Variants in BICRAL observed in about 807,000 individuals in gnomAD.
BICRAL encodes BICRA like chromatin remodeling complex associated protein, also known as BRD4-interacting chromatin-remodeling complex-associated protein-like.
Under a neutral mutation model 91.8 loss-of-function variants are expected in BICRAL, and 8 were observed. The observed-to-expected ratio is 0.09, with a 90% CI of 0.05 to 0.16. BICRAL has a LOEUF of 0.16. Ranked by LOEUF, BICRAL falls within the 10% of genes least tolerant of loss-of-function variation. BICRAL has a pLI of 1.00. For synonymous variants in BICRAL, 445 were observed against 491.1 expected (o/e 0.91, Z 1.24); for missense variants, 1,038 against 1,310.9 (o/e 0.79, Z 3.21).
At chr6:42,790,769 A>G (rs1277364816) in intron 1 of BICRAL, among the ~76,000 whole-genome samples, 1 of 152,120 alleles carries the variant, frequency 6.6e-6, no homozygotes, top group Non-Finnish European at 1.5e-5. Flanking sequence ...GCATGATTTA[A>G]GTAGCATACC....
intron 1 of BICRAL, among the ~76,000 whole-genome samples, chr6:42,755,671 CTTT>C (rs1038106194): frequency 4.3e-5 from 6 of 140,618 alleles, no homozygotes; most frequent in Admixed American, 1.4e-4. Context: ...TCACCTCTTT[CTTT>C]TTTTTTTTTT....
At chr6:42,840,898 A>C (rs1033790223) in intron 6 of BICRAL, among the ~76,000 whole-genome samples, 4 of 150,704 alleles carry the variant, frequency 2.7e-5, no homozygotes, top group African/African-American at 9.7e-5. Flanking sequence ...ACATGGTGAA[A>C]CCTCGTCTCT....
At chr6:42,859,803 A>G (rs12207301) in intron 10 of BICRAL, among the ~76,000 whole-genome samples, 62,512 of 151,440 alleles carry the variant, frequency 0.41, 15,574 homozygotes, top group African/African-American at 0.71. Flanking sequence ...CACCACGCCC[A>G]GCTAATTTTT....
At chr6:42,837,645 G>T (rs1448240847) in intron 6 of BICRAL, among the ~76,000 whole-genome samples, 1 of 151,760 alleles carries the variant, frequency 6.6e-6, no homozygotes, top group Non-Finnish European at 1.5e-5. Flanking sequence ...CCAACTACTC[G>T]GGAGGCTGAG....
intron 1 of BICRAL, among the ~76,000 whole-genome samples, chr6:42,762,115 C>T (rs1172417781): frequency 1.3e-5 from 2 of 152,004 alleles, no homozygotes; most frequent in South Asian, 2.1e-4. Context: ...GTGGTGGAGC[C>T]GAATTTGCTT....
intron 1 of BICRAL, among the ~76,000 whole-genome samples, chr6:42,758,192 T>C (rs1762490000): frequency 6.6e-6 from 1 of 152,134 alleles, no homozygotes; most frequent in East Asian, 1.9e-4. Flanking sequence ...TGTTACAGTT[T>C]CCCATCTGGT....
At chr6:42,769,735 T>A (rs575615529) in intron 1 of BICRAL, among the ~76,000 whole-genome samples, 2 of 152,332 alleles carry the variant, frequency 1.3e-5, no homozygotes, top group South Asian at 4.1e-4. Context: ...TCAAATCTGT[T>A]CATAGCATTC....
chr6:42,823,170 G>A (rs951478788), intron 5 of BICRAL, among the ~76,000 whole-genome samples, 167 bp downstream of exon 5: 1 of 152,142 alleles, frequency 6.6e-6, no homozygotes, highest in Non-Finnish European at 1.5e-5. Flanking sequence ...CTGTCGCCCA[G>A]ACTGGAGTGC....
intron 2 of BICRAL, among the ~76,000 whole-genome samples, chr6:42,813,667 C>A (rs557627185): frequency 1.3e-5 from 2 of 151,960 alleles, no homozygotes; most frequent in Admixed American, 6.6e-5. Context: ...ATTACAGGTG[C>A]GCACCACCAT....
Position 42,829,781 on chromosome 6 carries a change from G to A in BICRAL, c.1448G>A (p.Ser483Asn), listed in dbSNP as rs1764419294. Residue 483 changes from serine (S) to asparagine (N), a missense_variant, in exon 6 of 13, where the codon AGT (serine) becomes AAT (asparagine). Physicochemically the swap from Ser to Asn is conservative, Grantham distance 46. This residue lies in a region of BICRAL where 532 missense variants were observed against 724.9 expected (regional missense o/e 0.73). Coordinates refer to ENST00000314073, the MANE Select transcript of BICRAL (RefSeq NM_001393499.1). ...GGGCAGACATTTGCTGCCTCTGGAA[G>A]TCCAGTGATAGCCAATCATGCCTCT... ...VSGQTFAASG[S>N]PVIANHASPQ... The A allele has an allele frequency of 6.2e-7, 1 of 1,614,190 alleles. No individual in the cohort carries two copies. The highest frequency in any genetic ancestry group is 1.3e-5 in the African/African-American group (1 of 75,058).
At chr6:42,747,471 T>C (rs1311409454) in intron 1 of BICRAL, among the ~76,000 whole-genome samples, 1 of 152,198 alleles carries the variant, frequency 6.6e-6, no homozygotes, top group Non-Finnish European at 1.5e-5. Context: ...ACGCGAACCA[T>C]TGAATTAAAT....
At chr6:42,830,439 A>G (rs1242560957) in intron 6 of BICRAL, among the ~76,000 whole-genome samples, 1 of 152,014 alleles carries the variant, frequency 6.6e-6, no homozygotes, top group East Asian at 1.9e-4. Flanking sequence ...GGTGGTGCAC[A>G]CCTGTAGTCC....
intron 1 of BICRAL, among the ~76,000 whole-genome samples, chr6:42,761,929 A>G (rs1358446072): frequency 1.3e-5 from 2 of 152,094 alleles, no homozygotes; most frequent in Non-Finnish European, 2.9e-5. Flanking sequence ...AGAAAAAGAA[A>G]TACGTACTTC....
intron 1 of BICRAL, among the ~76,000 whole-genome samples, chr6:42,749,306 CAT>C (rs1017032778): frequency 2.8e-4 from 42 of 152,174 alleles, no homozygotes; most frequent in African/African-American, 8.7e-4. Flanking sequence ...AAAAATATCA[CAT>C]GTTCTCACTC....
upstream of BICRAL, among the ~76,000 whole-genome samples, chr6:42,777,237 A>G (rs560673597): frequency 1.3e-5 from 2 of 152,352 alleles, no homozygotes; most frequent in African/African-American, 4.8e-5. Context: ...TGTTTCAGAC[A>G]CCATGCTAAA....
chr6:42,807,925 GT>G (rs922757374), intron 1 of BICRAL, among the ~76,000 whole-genome samples: 2 of 152,084 alleles, frequency 1.3e-5, no homozygotes, highest in African/African-American at 2.4e-5. Flanking sequence ...TTGTAAATTT[GT>G]AGGATTAACC....
At chr6:42,797,228 G>A (rs1229601606) in intron 1 of BICRAL, among the ~76,000 whole-genome samples, 1 of 152,038 alleles carries the variant, frequency 6.6e-6, no homozygotes, top group Admixed American at 6.6e-5. Context: ...GAGGAACTTA[G>A]GTGGAAAAGA....
chr6:42,844,451 G>A (rs1033802329), intron 6 of BICRAL, among the ~76,000 whole-genome samples: 1 of 138,010 alleles, frequency 7.2e-6, no homozygotes, highest in Non-Finnish European at 1.5e-5. Context: ...GGAGCTTGCA[G>A]TGAGCCGAGA....
At chr6:42,848,597 A>G (rs1765090170) in intron 6 of BICRAL, among the ~76,000 whole-genome samples, 1 of 152,172 alleles carries the variant, frequency 6.6e-6, no homozygotes, top group Non-Finnish European at 1.5e-5. Flanking sequence ...ATAACCCCGC[A>G]CTTTAGGTGG....
Sources: gnomAD v4.1 joint callset for allele counts (sites outside exome capture counted in the v4.1 genomes callset) on GRCh38, gnomAD v4.1.1 for gene constraint, gnomAD v4.1.1 regional missense constraint, MANE v1.5 for transcripts, NCBI Gene and HGNC (gene_info 2026-07-23, HGNC 2026-07-21) for gene names.